The following C1orf167 variants were observed in gnomAD, a reference collection of about 807,000 sequenced individuals.
The protein encoded by C1orf167 is uncharacterized protein C1orf167.
A neutral mutation model predicts 176.5 loss-of-function variants in C1orf167; 153 were observed. That is an observed-to-expected ratio of 0.87 (90% CI 0.76 to 0.99). C1orf167 has a LOEUF of 0.99. Ranked by LOEUF, C1orf167 falls within the 50% of genes least tolerant of loss-of-function variation. The probability of loss-of-function intolerance (pLI) is 0.00; values close to 1 mark genes in which losing one functional copy is unlikely to be tolerated. For synonymous variants in C1orf167, 594 were observed against 752.7 expected, an observed-to-expected ratio of 0.79 and a Z score of 3.45; for missense variants, 1,490 against 1,817.7, an observed-to-expected ratio of 0.82 and a Z score of 3.28.
At chr1:11,785,041 C>T (rs777150095) in intron 15 of C1orf167, 107 bp from the exon 16 acceptor site, 66 of 1,044,702 alleles carry the variant, frequency 6.3e-5, no homozygotes, top group Non-Finnish European at 8.1e-5. Context: ...TGGGCCCCAG[C>T]CTGGGGCTGG....
rs1643468162 is a variant in C1orf167, at chr1:11,779,060, C to T, written c.2631C>T (p.Tyr877=). ...AGTTCCAGGGCACAGCCAGGTGGTA[C>T]CAGCATACCCGCCAGAGGCGGTAGG... ...AQQFQGTARW[Y]QHTRQRRIFL... The change falls in exon 12 of 21, where the codon TAC becomes TAT. Residue 877 remains tyrosine (Y), a synonymous_variant. Coordinates refer to ENST00000688073, the MANE Select transcript of C1orf167 (RefSeq NM_001010881.2). 1 of 1,264,790 alleles carries T rather than the reference C, an allele frequency of 7.9e-7. No homozygotes were observed. The highest frequency in any genetic ancestry group is 1.0e-6 in the Non-Finnish European group (1 of 970,582). 78.3% of individuals were successfully genotyped at this position (1,264,790 alleles called of 1,614,324 possible). A position where few individuals can be genotyped will look rare whatever the true frequency, so the allele number is the denominator to read the frequency against.
Position 11,771,063 on chromosome 1 carries a change from ATATATATTTTTTTTTTT to A in C1orf167, c.1698-459_1698-443del, listed in dbSNP as rs1557726867. Among the ~76,000 whole-genome samples, 21 of 84,656 alleles carry A rather than the reference ATATATATTTTTTTTTTT, an allele frequency of 2.5e-4. 1 individual carries two copies. Among genetic ancestry groups the A allele is most frequent in the Admixed American group, 8.6e-4 (5 of 5,836 alleles). 55.5% of individuals were successfully genotyped at this position (84,656 alleles called of 152,430 possible). A position where few individuals can be genotyped will look rare whatever the true frequency, so the allele number is the denominator to read the frequency against. ...TGTGTGTGTGTGTATATATATATAT[ATATATATTTTTTTTTTT>A]TTTTTTTTTTTTTTTTGTAGTAGAG... On this transcript the variant is annotated intron_variant, in intron 6 of 20. Coordinates refer to ENST00000688073, the MANE Select transcript of C1orf167 (RefSeq NM_001010881.2).
chr1:11,784,473 C>T lies in C1orf167; in HGVS notation c.3305C>T (p.Ala1102Val), dbSNP rs1356892931. The change falls in exon 15 of 21, where the codon GCA (alanine) becomes GTA (valine). Residue 1102 changes from alanine to valine, a missense_variant. Physicochemically the swap from Ala to Val is moderately conservative, Grantham distance 64. Coordinates refer to ENST00000688073, the MANE Select transcript of C1orf167 (RefSeq NM_001010881.2). ...ATGCACCATGAGGCCCAGCAGCAGGCAGGAGAGAGCGCTGGGGCCCAGGCA... is the reference window on the plus strand; with the variant it reads ...ATGCACCATGAGGCCCAGCAGCAGGTAGGAGAGAGCGCTGGGGCCCAGGCA... ...PGMHHEAQQQ[A>V]GESAGAQAAQ... 4 of 1,303,250 alleles carry T rather than the reference C, an allele frequency of 3.1e-6. No individual in the cohort carries two copies. The African/African-American group carries it at 6.1e-5, about 20-fold the overall frequency. The allele number at this position is 1,303,250 out of a possible 1,614,324, so 80.7% of individuals were successfully genotyped here. A position where few individuals can be genotyped will look rare whatever the true frequency, so the allele number is the denominator to read the frequency against.
chr1:11,775,864 C>T (rs1643289058), intron 9 of C1orf167, among the ~76,000 whole-genome samples: 1 of 152,196 alleles, frequency 6.6e-6, no homozygotes, highest in Admixed American at 6.5e-5. Context: ...CAGGCTTTCT[C>T]AGTGCTGGTA....
At position 11,766,631 on chromosome 1, in the gene C1orf167, CCCAGCCCAG is replaced by C; in HGVS notation, c.852_860del (p.Ser285_Pro287del). ...GGCGGCCAGCCATTCTCCGCCCACCCCCAGCCCAGCCAGCCTGTCCTTGCTTCCTCGGAT... is the reference window on the plus strand; with the variant it reads ...GGCGGCCAGCCATTCTCCGCCCACCCCCAGCCTGTCCTTGCTTCCTCGGAT... On this transcript the variant is annotated inframe_deletion, in exon 3 of 21. Transcript: ENST00000688073. This position sits in a 1 kb window ranked among gnomAD's most constrained non-coding sequence, Gnocchi z 4.5. 1 of 1,287,348 alleles carries C rather than the reference CCCAGCCCAG, an allele frequency of 7.8e-7. No homozygotes were observed. Among genetic ancestry groups the C allele is most frequent in the Non-Finnish European group, 1.0e-6 (1 of 987,398 alleles). The allele number at this position is 1,287,348 out of a possible 1,614,324, so 79.7% of individuals were successfully genotyped here.
intron 15 of C1orf167, 30 bp downstream of exon 15, chr1:11,784,623 C>T (rs1016510049): frequency 3.1e-5 from 38 of 1,208,650 alleles, no homozygotes; most frequent in Middle Eastern, 3.5e-4. Context: ...TGCAGCCCCA[C>T]TCTGTGCTTC....
At chr1:11,781,402 G>A (rs940255606) in intron 13 of C1orf167, among the ~76,000 whole-genome samples, 2 of 152,098 alleles carry the variant, frequency 1.3e-5, no homozygotes, top group Non-Finnish European at 2.9e-5. Context: ...TATTCAAGGC[G>A]GGGCATTGCC....
chr1:11,776,380 G>A (rs1286009730), intron 9 of C1orf167, 84 bp from the exon 10 acceptor site: 7 of 1,186,884 alleles, frequency 5.9e-6, no homozygotes, highest in Non-Finnish European at 7.6e-6. Flanking sequence ...TCCCAAGAGG[G>A]GCCTGAGGCA....
chr1:11,786,640 T>C (rs1469011481), intron 16 of C1orf167: 1 of 149,200 alleles, frequency 6.7e-6, no homozygotes, highest in Admixed American at 6.7e-5. Flanking sequence ...GGGATCTCAC[T>C]ATGTTGCCAG....
intron 13 of C1orf167, 29 bp downstream of exon 13, chr1:11,780,039 C>T (rs1345499351): frequency 2.1e-5 from 26 of 1,242,928 alleles, no homozygotes; most frequent in East Asian, 5.8e-5. Flanking sequence ...GGGGGCACTG[C>T]GGGTGAGGGC....
At position 11,788,077 on chromosome 1, in the gene C1orf167, G is replaced by A. The variant is rs1168535596; in HGVS notation, c.3848+30G>A. ...GAGGAGCTGTGTGTGCAGTTTGGTG[G>A]GTCCGAGGGATGGGGGCAAGGGCTG... On this transcript the variant is annotated intron_variant, in intron 18 of 20. Coordinates refer to ENST00000688073, the MANE Select transcript of C1orf167 (RefSeq NM_001010881.2). 4 of 1,282,100 alleles carry A rather than the reference G, an allele frequency of 3.1e-6. 1 individual carries two copies. Among genetic ancestry groups the A allele is most frequent in the South Asian group, 1.3e-5 (1 of 79,048 alleles). 79.4% of individuals were successfully genotyped at this position (1,282,100 alleles called of 1,614,324 possible). A position where few individuals can be genotyped will look rare whatever the true frequency, so the allele number is the denominator to read the frequency against.
Position 11,767,065 on chromosome 1 carries a change from C to T in C1orf167, c.1279C>T (p.Pro427Ser). ...RTAFHLSDTV[P>S]ASSASKNKAQ... The stretch of plus-strand genomic sequence containing the variant: ...AGCTTTCCATCTGTCAGACACAGTC[C>T]CAGCGAGCAGTGCGTCGAAGGTAGA... The change falls in exon 3 of 21, where the codon CCA becomes TCA. Residue 427 changes from proline (P) to serine (S), a missense_variant. Physicochemically the swap from Pro to Ser is moderately conservative, Grantham distance 74. Transcript: ENST00000688073. The T allele has an allele frequency of 8.1e-7, 1 of 1,233,038 alleles. No individual in the cohort carries two copies. The highest frequency in any genetic ancestry group is 1.4e-5 in the South Asian group (1 of 70,950). 76.4% of individuals were successfully genotyped at this position (1,233,038 alleles called of 1,614,324 possible). A position where few individuals can be genotyped will look rare whatever the true frequency, so the allele number is the denominator to read the frequency against.
chr1:11,763,442 CA>C (rs34701302), intron 1 of C1orf167, among the ~76,000 whole-genome samples: 61,736 of 107,790 alleles, frequency 0.57, 13,684 homozygotes, highest in East Asian at 0.82. Flanking sequence ...GACTCCGGCT[CA>C]AAAAAAAAAA....
intron 12 of C1orf167, 105 bp downstream of exon 12, chr1:11,779,185 C>T: frequency 9.2e-7 from 1 of 1,088,778 alleles, no homozygotes; most frequent in Non-Finnish European, 1.2e-6. Context: ...TTGGGGTCTG[C>T]ACCTCAGGGG....
chr1:11,783,150 T>C (rs1207378468), intron 14 of C1orf167, among the ~76,000 whole-genome samples: 1 of 152,102 alleles, frequency 6.6e-6, no homozygotes, highest in Admixed American at 6.6e-5. Flanking sequence ...CAGTACAAAT[T>C]TGCGAATGTT....
chr1:11,783,475 G>A (rs1050694515), intron 14 of C1orf167, among the ~76,000 whole-genome samples: 5 of 152,090 alleles, frequency 3.3e-5, no homozygotes, highest in East Asian at 3.9e-4. Flanking sequence ...TCGAACTCCC[G>A]ACCTCAGGTG....
chr1:11,767,161 G>A, intron 3 of C1orf167, 60 bp from the exon 4 acceptor site: 1 of 1,286,000 alleles, frequency 7.8e-7, no homozygotes, highest in Non-Finnish European at 1.0e-6. Context: ...TTGGCAGGGG[G>A]TGCCCTGTCC....
chr1:11,768,663 G>T lies in C1orf167; in HGVS notation c.1543-310G>T, dbSNP rs1642914144. ...AAGTGGTTGCTATTTTTTATTAGAG[G>T]TTTGCCAGCCAGGGCTGGGAGGGAG... On this transcript the variant is annotated intron_variant, in intron 5 of 20. Transcript: ENST00000688073. The surrounding 1 kb of genome is among the most constrained non-coding windows in gnomAD (Gnocchi z 4.5). Among the ~76,000 whole-genome samples, 1 of 152,168 alleles carries T rather than the reference G, an allele frequency of 6.6e-6. No individual in the cohort carries two copies. Among genetic ancestry groups the T allele is most frequent in the African/African-American group, 2.4e-5 (1 of 41,452 alleles).
intron 6 of C1orf167, among the ~76,000 whole-genome samples, chr1:11,770,448 T>G (rs1283408932): frequency 1.1e-5 from 1 of 93,502 alleles, no homozygotes; most frequent in African/African-American, 3.2e-5. Context: ...GTTATATTTT[T>G]CTTTTTTTTT....
Sources: gnomAD v4.1 joint callset for allele counts (sites outside exome capture counted in the v4.1 genomes callset) on GRCh38, gnomAD v4.1.1 for gene constraint, Gnocchi (gnomAD v3.1) non-coding constraint, MANE v1.5 for transcripts, NCBI Gene and HGNC (gene_info 2026-07-23, HGNC 2026-07-21) for gene names.